GLIS3: variants seen among roughly 807,000 people sequenced by gnomAD.
GLIS3 encodes the protein zinc finger protein GLIS3.
A neutral mutation model predicts 78.6 loss-of-function variants in GLIS3; 53 were observed. The observed-to-expected ratio is 0.67, with a 90% CI of 0.54 to 0.85. The LOEUF (loss-of-function observed/expected upper bound fraction) is 0.85, where lower values mean the gene tolerates loss of function less well. Among genes scored for constraint, GLIS3 ranks in the 40% least tolerant of loss-of-function variants. The pLI, the probability that GLIS3 is intolerant of heterozygous loss-of-function variation, is 0.00. For missense variants in GLIS3, 1,703 were observed against 1,231.1 expected (o/e 1.38, Z -5.74); for synonymous variants, 684 against 509.9 (o/e 1.34, Z -4.60).
chr9:3,926,304 C>T (rs1825247221), intron 6 of GLIS3, among the ~76,000 whole-genome samples: 1 of 148,072 alleles, frequency 6.8e-6, no homozygotes. Flanking sequence ...AATCTCTGCT[C>T]ACTGCAAGCT....
chr9:4,466,863 G>A, the GLIS3 span, among the ~76,000 whole-genome samples: 14 of 152,206 alleles, frequency 9.2e-5, no homozygotes, highest in South Asian at 2.1e-4. Context: ...CAAGGGGGTC[G>A]GGGTATTCCC....
intron 3 of GLIS3, among the ~76,000 whole-genome samples, chr9:4,122,309 T>C (rs1832251731): frequency 6.6e-6 from 1 of 152,258 alleles, no homozygotes; most frequent in East Asian, 1.9e-4. Flanking sequence ...AGACGGCCAG[T>C]CCTAGTCTAT....
At chr9:3,873,156 T>C (rs1821074487) in intron 8 of GLIS3, among the ~76,000 whole-genome samples, 1 of 152,168 alleles carries the variant, frequency 6.6e-6, no homozygotes, top group East Asian at 1.9e-4. Flanking sequence ...CTACCAAATG[T>C]ACAGAAAACT....
At chr9:4,397,026 T>TTTTC in the GLIS3 span, among the ~76,000 whole-genome samples, 11,175 of 128,630 alleles carry the variant, frequency 0.087, 549 homozygotes, top group East Asian at 0.14. Flanking sequence ...CTTTTTTTCT[T>TTTTC]TTTTTTTTTT....
chr9:3,897,650 A>T (rs1822957623), intron 7 of GLIS3, among the ~76,000 whole-genome samples: 1 of 152,210 alleles, frequency 6.6e-6, no homozygotes, highest in Non-Finnish European at 1.5e-5. Flanking sequence ...ATGGGCCATG[A>T]TTAAGGCCCA....
the GLIS3 span, among the ~76,000 whole-genome samples, chr9:4,473,228 C>G: frequency 6.6e-6 from 1 of 152,002 alleles, no homozygotes; most frequent in Non-Finnish European, 1.5e-5. Flanking sequence ...GAATACTACG[C>G]AGCCATAGAA....
chr9:4,118,795 G>A lies in GLIS3; in HGVS notation c.683C>T (p.Ser228Phe). 4 of 1,610,964 alleles carry A rather than the reference G, an allele frequency of 2.5e-6. No individual in the cohort carries two copies. The highest frequency in any genetic ancestry group is 3.4e-6 in the Non-Finnish European group (4 of 1,180,000). ...CGAAGGGAGGGCCCTGTAGCCCTGG[G>A]ACCACTCCTGCTTCATGCTTGAGGC... ...QSASSMKQEW[S>F]QGYRALPSLS... Residue 228 changes from serine (S) to phenylalanine (F), a missense_variant, in exon 4 of 11, where the codon TCC (serine) becomes TTC (phenylalanine). Physicochemically the swap from Ser to Phe is radical, Grantham distance 155. Coordinates refer to ENST00000381971, the MANE Select transcript of GLIS3 (RefSeq NM_001042413.2). This position sits in a 1 kb window ranked among gnomAD's most constrained non-coding sequence, Gnocchi z 4.7.
chr9:4,059,834 G>C (rs1168300857), intron 4 of GLIS3, among the ~76,000 whole-genome samples: 2 of 138,722 alleles, frequency 1.4e-5, no homozygotes, highest in Non-Finnish European at 3.0e-5. Flanking sequence ...GTGTGTGAGA[G>C]AGAGAGAGAG....
At chr9:4,135,945 T>C (rs1176411896) in intron 2 of GLIS3, among the ~76,000 whole-genome samples, 1 of 152,186 alleles carries the variant, frequency 6.6e-6, no homozygotes, top group East Asian at 1.9e-4. Context: ...ACTGCTGAGA[T>C]ACATTAGTAA....
At position 3,824,852 on chromosome 9, in the gene GLIS3, A is replaced by C. The variant is rs1345996262; in HGVS notation, c.*3420T>G. On this transcript the variant is annotated 3_prime_UTR_variant, in exon 11 of 11. Coordinates refer to ENST00000381971, the MANE Select transcript of GLIS3 (RefSeq NM_001042413.2). The stretch of plus-strand genomic sequence containing the variant: ...ACACAGGATACTTTGCTGTCTGTAC[A>C]AAATAAATCTCTTTTTACACTCACT... 1 of 152,298 alleles carries C rather than the reference A, an allele frequency of 6.6e-6. No individual in the cohort carries two copies. The highest frequency in any genetic ancestry group is 1.5e-5 in the Non-Finnish European group (1 of 67,978). 9.4% of individuals were successfully genotyped at this position (152,298 alleles called of 1,614,324 possible). A position where few individuals can be genotyped will look rare whatever the true frequency, so the allele number is the denominator to read the frequency against.
intron 2 of GLIS3, among the ~76,000 whole-genome samples, chr9:4,156,157 G>A (rs1586829560): frequency 6.6e-6 from 1 of 151,782 alleles, no homozygotes; most frequent in East Asian, 1.9e-4. Context: ...ATACCCTTGA[G>A]CAGCCCTGAA....
intron 7 of GLIS3, among the ~76,000 whole-genome samples, chr9:3,887,891 C>T (rs897558852): frequency 6.6e-6 from 1 of 152,186 alleles, no homozygotes; most frequent in African/African-American, 2.4e-5. Flanking sequence ...ACCTTTCACA[C>T]AGCCCTCTTA....
the GLIS3 span, among the ~76,000 whole-genome samples, chr9:4,425,576 T>C: frequency 6.6e-6 from 1 of 152,176 alleles, no homozygotes. Flanking sequence ...CCTTGCTGAG[T>C]GACTCCAGTG....
At position 3,980,284 on chromosome 9, in the gene GLIS3, A is replaced by G. The variant is rs547680251; in HGVS notation, c.1711-43095T>C. Among the ~76,000 whole-genome samples the G allele has an allele frequency of 9.8e-5, 15 of 152,374 alleles. No homozygotes were observed. The South Asian group carries it at 2.9e-3, about 29-fold the overall frequency. ...AGCTGGCATAATTCCCCAAACAATG[A>G]AAGCTTCTGGTGAGAAGCACGTAAG... On this transcript the variant is annotated intron_variant, in intron 4 of 10. Transcript: ENST00000381971.
intron 2 of GLIS3, among the ~76,000 whole-genome samples, chr9:4,186,914 G>A (rs988538395): frequency 2.0e-5 from 3 of 152,108 alleles, no homozygotes; most frequent in Admixed American, 2.0e-4. Context: ...CAGATGAGTA[G>A]GTTGGGAAAA....
intron 1 of GLIS3, among the ~76,000 whole-genome samples, chr9:4,291,974 A>C (rs1005849793): frequency 6.6e-6 from 1 of 152,182 alleles, no homozygotes; most frequent in African/African-American, 2.4e-5. Context: ...CCATGGTCCT[A>C]CCAAAAATGG....
the GLIS3 span, among the ~76,000 whole-genome samples, chr9:4,405,078 G>C: frequency 6.6e-6 from 1 of 152,192 alleles, no homozygotes; most frequent in African/African-American, 2.4e-5. Flanking sequence ...GATCCTGCCT[G>C]GCGCAGTGGC....
At chr9:4,078,183 G>A (rs1044620330) in intron 4 of GLIS3, among the ~76,000 whole-genome samples, 2 of 152,092 alleles carry the variant, frequency 1.3e-5, no homozygotes, top group Non-Finnish European at 2.9e-5. Context: ...CCAGACCAGT[G>A]GTCTTAAAAT....
chr9:4,377,162 C>A, the GLIS3 span, among the ~76,000 whole-genome samples: 1 of 134,740 alleles, frequency 7.4e-6, no homozygotes, highest in Non-Finnish European at 1.7e-5. Context: ...GAGGGTGTTG[C>A]CAGAGGAGAC....
Sources: allele counts gnomAD v4.1 joint callset (sites outside exome capture counted in the v4.1 genomes callset), GRCh38; gene constraint gnomAD v4.1.1; non-coding constraint Gnocchi (gnomAD v3.1); transcripts MANE v1.5; gene names NCBI Gene and HGNC (gene_info 2026-07-23, HGNC 2026-07-21).